Variants in AK5 observed in about 807,000 individuals in gnomAD.
AK5 encodes adenylate kinase 5.
Under a neutral mutation model 69.5 loss-of-function variants are expected in AK5, and 27 were observed. That is an observed-to-expected ratio of 0.39 (90% CI 0.29 to 0.54). The LOEUF (loss-of-function observed/expected upper bound fraction) is 0.54, where lower values mean the gene tolerates loss of function less well. AK5 is among the 20% of genes least tolerant of loss of function. The pLI is 0.71. For synonymous variants in AK5, 260 were observed against 244.4 expected, an observed-to-expected ratio of 1.06 and a Z score of -0.60; for missense variants, 531 against 700.4, an observed-to-expected ratio of 0.76 and a Z score of 2.73.
At chr1:77,394,014 A>C (rs187067060) in intron 6 of AK5, among the ~76,000 whole-genome samples, 2,877 of 152,242 alleles carry the variant, frequency 0.019, 92 homozygotes, top group African/African-American at 0.066. Context: ...CAGGAGTTCG[A>C]GACCAGCCTG....
intron 13 of AK5, among the ~76,000 whole-genome samples, chr1:77,553,751 C>T (rs1354471909): frequency 6.6e-6 from 1 of 152,210 alleles, no homozygotes; most frequent in Non-Finnish European, 1.5e-5. Flanking sequence ...TTTACACCTT[C>T]TTACCCGTCC....
At chr1:77,381,374 A>ATC (rs1482192517) in intron 6 of AK5, among the ~76,000 whole-genome samples, 1 of 152,144 alleles carries the variant, frequency 6.6e-6, no homozygotes, top group African/African-American at 2.4e-5. Context: ...AACGGACCTA[A>ATC]TCTATGATAT....
At position 77,310,402 on chromosome 1, in the gene AK5, C is replaced by T. The variant is rs1659878224; in HGVS notation, c.699+12455C>T. 2.0e-5 allele frequency among the ~76,000 whole-genome samples: 3 copies of T among 151,908 alleles called. No individual in the cohort carries two copies. In the South Asian group the frequency reaches 6.2e-4, roughly 31 times the overall value. On this transcript the variant is annotated intron_variant, in intron 5 of 13. Coordinates refer to ENST00000354567, the MANE Select transcript of AK5 (RefSeq NM_174858.3). ...GTTTTTATTTTTTTTTCTTTTGAGA[C>T]AGAGTCTTACTCAGTAGCCCAGGCT...
At chr1:77,461,148 C>A (rs1653811359) in intron 8 of AK5, among the ~76,000 whole-genome samples, 1 of 151,824 alleles carries the variant, frequency 6.6e-6, no homozygotes, top group African/African-American at 2.4e-5. Flanking sequence ...ATTCTCCTGC[C>A]TCAGCCTCCC....
intron 1 of AK5, chr1:77,282,808 C>A: frequency 9.1e-6 from 9 of 992,484 alleles, no homozygotes; most frequent in Non-Finnish European, 8.4e-6. Flanking sequence ...GGGTCGGAAC[C>A]CCTGGGGGAA....
chr1:77,290,671 A>G (rs1165059566), intron 2 of AK5, among the ~76,000 whole-genome samples: 1 of 152,248 alleles, frequency 6.6e-6, no homozygotes, highest in Non-Finnish European at 1.5e-5. Flanking sequence ...TATATTCAAC[A>G]TGTCCAAAAC....
intron 3 of AK5, among the ~76,000 whole-genome samples, chr1:77,294,309 C>T (rs1177566016): frequency 6.6e-6 from 1 of 152,014 alleles, no homozygotes; most frequent in African/African-American, 2.4e-5. Context: ...TTTCTGAGAG[C>T]TGAATGTGGT....
intron 6 of AK5, among the ~76,000 whole-genome samples, chr1:77,349,897 G>A (rs192806424): frequency 2.6e-4 from 40 of 152,254 alleles, no homozygotes; most frequent in South Asian, 4.1e-4. Flanking sequence ...TAAGTCTTAC[G>A]TTCCATTTCC....
chr1:77,349,559 C>T (rs1476553203), intron 6 of AK5: 2 of 152,126 alleles, frequency 1.3e-5, no homozygotes, highest in African/African-American at 2.4e-5. Flanking sequence ...ACAGGCATCT[C>T]TATGCAGCTG....
chr1:77,349,146 A>G (rs981016115), intron 6 of AK5, among the ~76,000 whole-genome samples: 1 of 152,224 alleles, frequency 6.6e-6, no homozygotes, highest in Non-Finnish European at 1.5e-5. Context: ...TTAGGAAACA[A>G]TAGCTAACAA....
chr1:77,328,103 C>T (rs1246273962), intron 5 of AK5, among the ~76,000 whole-genome samples: 1 of 152,082 alleles, frequency 6.6e-6, no homozygotes, highest in Non-Finnish European at 1.5e-5. Context: ...GAAATAGATG[C>T]CTGAATAATC....
At position 77,558,729 on chromosome 1, in the gene AK5, T is replaced by TAAC. The variant is rs1190071497; in HGVS notation, c.*61_*63dup. 1.7e-6 allele frequency: 2 copies of TAAC among 1,209,208 alleles called. No individual in the cohort carries two copies. Among genetic ancestry groups the TAAC allele is most frequent in the Non-Finnish European group, 2.5e-6 (2 of 815,752 alleles). The allele number at this position is 1,209,208 out of a possible 1,614,324, so 74.9% of individuals were successfully genotyped here. ...GAAAAACATTAAAAAGTTCATTCCT[T>TAAC]AACACAATGTTTCAAGTTAAACCTT... On this transcript the variant is annotated 3_prime_UTR_variant, in exon 14 of 14. Coordinates refer to ENST00000354567, the MANE Select transcript of AK5 (RefSeq NM_174858.3).
At chr1:77,474,188 C>G (rs1398286977) in intron 8 of AK5, among the ~76,000 whole-genome samples, 1 of 152,218 alleles carries the variant, frequency 6.6e-6, no homozygotes, top group East Asian at 1.9e-4. Flanking sequence ...CTATAGATAG[C>G]AACTGCTCAG....
At chr1:77,520,747 G>A (rs1486955398) in intron 11 of AK5, among the ~76,000 whole-genome samples, 1 of 152,074 alleles carries the variant, frequency 6.6e-6, no homozygotes, top group Non-Finnish European at 1.5e-5. Flanking sequence ...AGTTATCTTC[G>A]CTGACTCTTC....
At chr1:77,481,748 G>T (rs771127508) in intron 8 of AK5, among the ~76,000 whole-genome samples, 1 of 152,108 alleles carries the variant, frequency 6.6e-6, no homozygotes, top group Non-Finnish European at 1.5e-5. Flanking sequence ...GGCAAAATTC[G>T]ATCAAAATTA....
At chr1:77,347,993 C>T (rs547547197) in intron 6 of AK5, among the ~76,000 whole-genome samples, 3 of 152,200 alleles carry the variant, frequency 2.0e-5, no homozygotes, top group Admixed American at 1.3e-4. Context: ...CTGTCAGCAT[C>T]GGATGAGAAG....
At chr1:77,499,457 C>G (rs1656567639) in intron 10 of AK5, among the ~76,000 whole-genome samples, 1 of 152,232 alleles carries the variant, frequency 6.6e-6, no homozygotes, top group Admixed American at 6.5e-5. Flanking sequence ...TCACGCGTTA[C>G]TGCCACGCAT....
intron 5 of AK5, among the ~76,000 whole-genome samples, chr1:77,298,537 C>T (rs1218572385): frequency 6.6e-6 from 1 of 151,902 alleles, no homozygotes; most frequent in Non-Finnish European, 1.5e-5. Flanking sequence ...GACTCAGTGG[C>T]TCACGCCTGT....
intron 10 of AK5, among the ~76,000 whole-genome samples, chr1:77,508,883 A>G (rs1186013699): frequency 6.6e-6 from 1 of 151,868 alleles, no homozygotes; most frequent in Non-Finnish European, 1.5e-5. Context: ...AAAAAAAAGA[A>G]GAAGGTGGGG....
Sources: gnomAD v4.1 joint callset for allele counts (sites outside exome capture counted in the v4.1 genomes callset) on GRCh38, gnomAD v4.1.1 for gene constraint, MANE v1.5 for transcripts, NCBI Gene and HGNC (gene_info 2026-07-23, HGNC 2026-07-21) for gene names.